ACTN2: variants seen among roughly 807,000 people sequenced by gnomAD.
ACTN2 encodes the protein alpha-actinin-2.
A neutral mutation model predicts 113.8 loss-of-function variants in ACTN2; 39 were observed. The ratio of observed to expected loss-of-function variants is 0.34; its 90% CI spans 0.27 to 0.45. The LOEUF (loss-of-function observed/expected upper bound fraction) is 0.45, where lower values mean the gene tolerates loss of function less well. Ranked by LOEUF, ACTN2 falls within the 20% of genes least tolerant of loss-of-function variation. ACTN2 has a pLI of 1.00. For missense variants in ACTN2, 992 were observed against 1,177.9 expected, an observed-to-expected ratio of 0.84 and a Z score of 2.31; for synonymous variants, 429 against 444.1, an observed-to-expected ratio of 0.97 and a Z score of 0.43.
At chr1:236,761,246 T>C in intron 20 of ACTN2, 73 bp downstream of exon 20, 1 of 1,585,104 alleles carries the variant, frequency 6.3e-7, no homozygotes, top group East Asian at 2.2e-5. Flanking sequence ...GGCAACAGTG[T>C]TGTAAATAAA....
intron 11 of ACTN2, among the ~76,000 whole-genome samples, chr1:236,744,417 G>A (rs1017555702): frequency 6.6e-6 from 1 of 152,042 alleles, no homozygotes; most frequent in African/African-American, 2.4e-5. Context: ...TTGGAGACAC[G>A]AGCTTTCAAA....
intron 4 of ACTN2, 91 bp downstream of exon 4, chr1:236,720,282 CACTT>C (rs1412154745): frequency 9.7e-7 from 1 of 1,035,716 alleles, no homozygotes; most frequent in Non-Finnish European, 1.5e-6. Context: ...GTCCAACAGT[CACTT>C]ACATGATTGA....
At position 236,709,226 on chromosome 1, in the gene ACTN2, A is replaced by G. The variant is rs548305269; in HGVS notation, c.127-8632A>G. ...CTGATCATGACAAATGACTGTATAT[A>G]TATATATATATATATATATATATAT... On this transcript the variant is annotated intron_variant, in intron 1 of 20. Coordinates refer to ENST00000366578, the MANE Select transcript of ACTN2 (RefSeq NM_001103.4). Among the ~76,000 whole-genome samples, 166 of 42,374 alleles carry G rather than the reference A, an allele frequency of 3.9e-3. 2 individuals are homozygous for G. The East Asian group carries it at 0.042, about 11-fold the overall frequency. 27.8% of individuals were successfully genotyped at this position (42,374 alleles called of 152,430 possible).
In ACTN2 at chr1:236,751,536, A is replaced by G. The variant is rs756815410; in HGVS notation, c.1723A>G (p.Ile575Val). ...CGAGGCGGACGGAGAGCGGCAGTCCATCATGGCCATCCAGAACGAGGTGGA... is the reference window on the plus strand; with the variant it reads ...CGAGGCGGACGGAGAGCGGCAGTCCGTCATGGCCATCCAGAACGAGGTGGA... ...LPEADGERQS[I>V]MAIQNEVEKV... Residue 575 changes from isoleucine to valine, a missense_variant, in exon 15 of 21, where the codon ATC (isoleucine) becomes GTC (valine). Physicochemically the swap from Ile to Val is conservative, Grantham distance 29 (BLOSUM62 3). Coordinates refer to ENST00000366578, the MANE Select transcript of ACTN2 (RefSeq NM_001103.4). 4 of 1,614,022 alleles carry G rather than the reference A, an allele frequency of 2.5e-6. No individual in the cohort carries two copies. The highest frequency in any genetic ancestry group is 2.2e-5 in the East Asian group (1 of 44,890).
chr1:236,689,356 T>TA (rs1665994620), intron 1 of ACTN2, among the ~76,000 whole-genome samples: 1 of 141,830 alleles, frequency 7.1e-6, no homozygotes. Context: ...CATATGTATA[T>TA]TTTATATATA....
At chr1:236,722,748 A>T (rs1303652179) in intron 4 of ACTN2, among the ~76,000 whole-genome samples, 2 of 152,066 alleles carry the variant, frequency 1.3e-5, no homozygotes, top group African/African-American at 4.8e-5. Flanking sequence ...GTGCTTTGTG[A>T]TGCAATGAGA....
chr1:236,753,851 T>TCCCCCCCC, intron 15 of ACTN2, 96 bp from the exon 16 acceptor site: 6 of 966,966 alleles, frequency 6.2e-6, no homozygotes, highest in Non-Finnish European at 7.7e-6. Context: ...CCTTCTCCAC[T>TCCCCCCCC]CCCACCCCCA....
chr1:236,731,785 T>G (rs1237136035), intron 7 of ACTN2, among the ~76,000 whole-genome samples: 1 of 152,214 alleles, frequency 6.6e-6, no homozygotes, highest in Non-Finnish European at 1.5e-5. Flanking sequence ...ACCATCAGTG[T>G]ACCATCCAAA....
intron 1 of ACTN2, among the ~76,000 whole-genome samples, chr1:236,692,915 G>A (rs545520375): frequency 1.3e-3 from 194 of 152,256 alleles, no homozygotes; most frequent in Non-Finnish European, 2.1e-3. Flanking sequence ...CAGAAAAGGC[G>A]CAGTTCTGGA....
In ACTN2 at chr1:236,686,811, C is replaced by T. The variant is rs756481602; in HGVS notation, c.126+12C>T. 9.4e-6 allele frequency: 14 copies of T among 1,483,442 alleles called. No individual in the cohort carries two copies. Among genetic ancestry groups the T allele is most frequent in the Non-Finnish European group, 1.3e-5 (14 of 1,112,428 alleles). The allele number at this position is 1,483,442 out of a possible 1,614,324, so 91.9% of individuals were successfully genotyped here. A position where few individuals can be genotyped will look rare whatever the true frequency, so the allele number is the denominator to read the frequency against. ...AGCAGCAGAGGAAGGTCAGCAGGGG[C>T]CCGCGGGCCGCCCGCGCGTGGTGGG... On this transcript the variant is annotated intron_variant, in intron 1 of 20. Coordinates refer to ENST00000366578, the MANE Select transcript of ACTN2 (RefSeq NM_001103.4).
intron 8 of ACTN2, chr1:236,736,556 A>G (rs1658882531): frequency 6.6e-7 from 1 of 1,508,636 alleles, no homozygotes. Context: ...CTTCTCATCT[A>G]GGTTAGACAA....
At chr1:236,759,406 A>G (rs1659639974) in intron 18 of ACTN2, among the ~76,000 whole-genome samples, 1 of 152,234 alleles carries the variant, frequency 6.6e-6, no homozygotes, top group South Asian at 2.1e-4. Flanking sequence ...AAGTTTGTTC[A>G]AATTAAACAT....
intron 4 of ACTN2, among the ~76,000 whole-genome samples, chr1:236,720,813 T>C (rs1385453399): frequency 6.6e-6 from 1 of 152,096 alleles, no homozygotes; most frequent in Non-Finnish European, 1.5e-5. Context: ...ATTGGCATTC[T>C]TAAAATTGGA....
At chr1:236,709,314 ATGTATATATATACATGTATATATATACG>A (rs1434095486) in intron 1 of ACTN2, among the ~76,000 whole-genome samples, 2 of 141,272 alleles carry the variant, frequency 1.4e-5, no homozygotes, top group South Asian at 2.2e-4. Flanking sequence ...ATACGTATAT[ATGTATATATATACATGTATATATATACG>A]TGTATATATA....
chr1:236,726,065 G>T (rs770151579), intron 5 of ACTN2, 45 bp downstream of exon 5: 2 of 1,538,968 alleles, frequency 1.3e-6, no homozygotes, highest in Non-Finnish European at 1.8e-6. Flanking sequence ...AGTGGAATCT[G>T]TGGGTAGCAT....
At chr1:236,744,445 G>T (rs1038698007) in intron 11 of ACTN2, among the ~76,000 whole-genome samples, 181 bp from the exon 12 acceptor site, 4 of 152,142 alleles carry the variant, frequency 2.6e-5, no homozygotes, top group African/African-American at 7.2e-5. Context: ...AGGGGCTGGG[G>T]CATCCTCAGC....
chr1:236,727,811 C>T, intron 6 of ACTN2, 55 bp downstream of exon 6: 2 of 1,557,894 alleles, frequency 1.3e-6, no homozygotes, highest in Non-Finnish European at 8.9e-7. Flanking sequence ...TCAGCATGTC[C>T]TGCAAATGAG....
chr1:236,693,473 G>A (rs936164242), intron 1 of ACTN2, among the ~76,000 whole-genome samples: 1 of 152,148 alleles, frequency 6.6e-6, no homozygotes, highest in East Asian at 1.9e-4. Flanking sequence ...TGTAAGGAAG[G>A]TGTTTTCAAA....
chr1:236,686,664 AC>A lies in ACTN2; in HGVS notation c.-8del, dbSNP rs1229994010. On this transcript the variant is annotated 5_prime_UTR_variant, in exon 1 of 21. Coordinates refer to ENST00000366578, the MANE Select transcript of ACTN2 (RefSeq NM_001103.4). ...TCGCGCCCCGCCGCAGCCCCGGCCAACCGAGCGCCATGAACCAGATAGAGCC... is the reference window on the plus strand; with the variant it reads ...TCGCGCCCCGCCGCAGCCCCGGCCAACGAGCGCCATGAACCAGATAGAGCC... 3.2e-6 allele frequency: 5 copies of A among 1,551,950 alleles called. No individual in the cohort carries two copies. The highest frequency in any genetic ancestry group is 4.4e-6 in the Non-Finnish European group (5 of 1,149,126).
Sources: allele counts gnomAD v4.1 joint callset (sites outside exome capture counted in the v4.1 genomes callset), GRCh38; gene constraint gnomAD v4.1.1; transcripts MANE v1.5; gene names NCBI Gene and HGNC (gene_info 2026-07-23, HGNC 2026-07-21).